The following PCSK2 variants were observed in gnomAD, a reference collection of about 807,000 sequenced individuals.
PCSK2 encodes the protein proprotein convertase subtilisin/kexin type 2, also known as neuroendocrine convertase 2.
In PCSK2, 14 loss-of-function variants were observed where a neutral mutation model predicts 69.7. That is an observed-to-expected ratio of 0.20 (90% CI 0.13 to 0.31). The LOEUF is 0.31. Among genes scored for constraint, PCSK2 ranks in the 10% least tolerant of loss-of-function variants. The pLI is 1.00. For synonymous variants in PCSK2, 307 were observed against 320.7 expected (o/e 0.96, Z 0.46); for missense variants, 544 against 842.5 (o/e 0.65, Z 4.39).
intron 2 of PCSK2, among the ~76,000 whole-genome samples, chr20:17,307,945 C>T (rs894016821): frequency 6.6e-6 from 1 of 152,166 alleles, no homozygotes. Context: ...TTTCTGGAAG[C>T]TTCCAATCAT....
intron 2 of PCSK2, 108 bp from the exon 3 acceptor site, chr20:17,358,218 GA>G (rs1048973312): frequency 8.9e-6 from 6 of 674,752 alleles, no homozygotes; most frequent in Non-Finnish European, 1.6e-5. Flanking sequence ...TTTTGCCAAA[GA>G]AAAAAATACA....
intron 2 of PCSK2, among the ~76,000 whole-genome samples, chr20:17,328,593 T>C (rs894471770): frequency 6.6e-6 from 1 of 152,086 alleles, no homozygotes; most frequent in African/African-American, 2.4e-5. Flanking sequence ...ACTGATACAC[T>C]GTATGTTTGG....
intron 2 of PCSK2, among the ~76,000 whole-genome samples, chr20:17,303,444 TATATA>T (rs1568593232): frequency 1.9e-5 from 1 of 51,514 alleles, no homozygotes; most frequent in Admixed American, 2.3e-4. Context: ...TATAATATAA[TATATA>T]TTATATTAAA....
intron 8 of PCSK2, among the ~76,000 whole-genome samples, chr20:17,440,993 G>A (rs1488604006): frequency 6.6e-6 from 1 of 152,180 alleles, no homozygotes; most frequent in Non-Finnish European, 1.5e-5. Flanking sequence ...CCAAGAATGT[G>A]TGGAAAGCCA....
intron 5 of PCSK2, among the ~76,000 whole-genome samples, chr20:17,404,358 G>A (rs187709903): frequency 6.6e-6 from 1 of 152,322 alleles, no homozygotes; most frequent in African/African-American, 2.4e-5. Context: ...TCTCTGCCAA[G>A]GGCAGTGTTC....
At chr20:17,246,368 G>A (rs1397491455) in intron 1 of PCSK2, among the ~76,000 whole-genome samples, 2 of 152,156 alleles carry the variant, frequency 1.3e-5, no homozygotes, top group Non-Finnish European at 2.9e-5. Context: ...GGTTGGAGCG[G>A]CTCTATTAGA....
At chr20:17,354,214 G>C (rs1276903952) in intron 2 of PCSK2, among the ~76,000 whole-genome samples, 1 of 152,170 alleles carries the variant, frequency 6.6e-6, no homozygotes, top group Non-Finnish European at 1.5e-5. Flanking sequence ...CAGTAACAAA[G>C]ACTTCTACTT....
At chr20:17,408,936 T>C (rs6044792) in intron 5 of PCSK2, among the ~76,000 whole-genome samples, 124,330 of 152,192 alleles carry the variant, frequency 0.82, 51,481 homozygotes, top group African/African-American at 0.9. Flanking sequence ...TTACCCTACA[T>C]CTTGGGTTCC....
chr20:17,415,137 G>A (rs1417688465), intron 6 of PCSK2, among the ~76,000 whole-genome samples: 1 of 152,230 alleles, frequency 6.6e-6, no homozygotes, highest in Non-Finnish European at 1.5e-5. Flanking sequence ...AGACGAGGAT[G>A]CCCTCTGTCA....
intron 2 of PCSK2, among the ~76,000 whole-genome samples, chr20:17,296,975 T>C (rs1988915642): frequency 6.6e-6 from 1 of 152,190 alleles, no homozygotes; most frequent in Admixed American, 6.5e-5. Context: ...TTAAATGAGC[T>C]TCAGAGTGGC....
chr20:17,327,122 C>T (rs1231315729), intron 2 of PCSK2, among the ~76,000 whole-genome samples: 1 of 152,156 alleles, frequency 6.6e-6, no homozygotes, highest in Non-Finnish European at 1.5e-5. Flanking sequence ...CTTAAAAGTC[C>T]ACAGCTACAA....
Position 17,483,634 on chromosome 20 carries a change from T to C in PCSK2, c.*1564T>C, listed in dbSNP as rs2033448547. 6.6e-6 allele frequency: 1 copy of C among 152,256 alleles called. No individual in the cohort carries two copies. Among genetic ancestry groups the C allele is most frequent in the Non-Finnish European group, 1.5e-5 (1 of 68,026 alleles). 9.4% of individuals were successfully genotyped at this position (152,256 alleles called of 1,614,324 possible). A position where few individuals can be genotyped will look rare whatever the true frequency, so the allele number is the denominator to read the frequency against. ...GAAGGTGGCCACTTTAAGAGAGAAA[T>C]CTGAAAACCCCATTTGCTTTCTTTT... On this transcript the variant is annotated 3_prime_UTR_variant, in exon 12 of 12. Transcript: ENST00000262545.
chr20:17,361,381 A>G (rs1319156487), intron 4 of PCSK2, among the ~76,000 whole-genome samples: 4 of 152,232 alleles, frequency 2.6e-5, no homozygotes, highest in Non-Finnish European at 5.9e-5. Context: ...TATGAAAACC[A>G]ATGGGCTTGA....
At chr20:17,465,586 T>G (rs2033087876) in intron 11 of PCSK2, 33 bp downstream of exon 11, 1 of 1,368,394 alleles carries the variant, frequency 7.3e-7, no homozygotes, top group Non-Finnish European at 1.0e-6. Context: ...CTGCTGCATG[T>G]GGAAAGTGCC....
At chr20:17,357,381 T>G (rs2123208042) in intron 2 of PCSK2, among the ~76,000 whole-genome samples, 1 of 152,356 alleles carries the variant, frequency 6.6e-6, no homozygotes, top group African/African-American at 2.4e-5. Context: ...GCCTCATTGT[T>G]TGTCTGTTTG....
At chr20:17,381,909 A>G (rs2031095752) in intron 5 of PCSK2, among the ~76,000 whole-genome samples, 1 of 152,220 alleles carries the variant, frequency 6.6e-6, no homozygotes, top group African/African-American at 2.4e-5. Context: ...CATTTGATAC[A>G]GTCAGCACCT....
At chr20:17,285,333 A>C (rs1988475163) in intron 2 of PCSK2, among the ~76,000 whole-genome samples, 1 of 152,244 alleles carries the variant, frequency 6.6e-6, no homozygotes, top group African/African-American at 2.4e-5. Context: ...ATTTTGTGTA[A>C]GGAATACAGC....
intron 8 of PCSK2, among the ~76,000 whole-genome samples, chr20:17,443,549 A>G (rs2032638694): frequency 6.6e-6 from 1 of 152,138 alleles, no homozygotes; most frequent in Non-Finnish European, 1.5e-5. Flanking sequence ...TCCTCAGCAG[A>G]CATGGATTTT....
chr20:17,227,846 A>G (rs1985989702), intron 1 of PCSK2, among the ~76,000 whole-genome samples: 2 of 152,132 alleles, frequency 1.3e-5, no homozygotes, highest in African/African-American at 2.4e-5. Context: ...GGCGTTGGCT[A>G]CTTGGCCAGG....
Sources: gnomAD v4.1 joint callset for allele counts (sites outside exome capture counted in the v4.1 genomes callset) on GRCh38, gnomAD v4.1.1 for gene constraint, MANE v1.5 for transcripts, NCBI Gene and HGNC (gene_info 2026-07-23, HGNC 2026-07-21) for gene names.